Variants in PRKG1 observed in about 807,000 individuals in gnomAD.
PRKG1 encodes protein kinase cGMP-dependent 1, also known as cGMP-dependent protein kinase 1.
Under a neutral mutation model 88.1 loss-of-function variants are expected in PRKG1, and 35 were observed. That is an observed-to-expected ratio of 0.40 (90% confidence interval 0.30 to 0.53). PRKG1 has a LOEUF of 0.53. PRKG1 is among the 20% of genes least tolerant of loss of function. The pLI is 0.59. For synonymous variants in PRKG1, 303 were observed against 292.5 expected (o/e 1.04, Z -0.37); for missense variants, 540 against 839.8 (o/e 0.64, Z 4.41).
chr10:52,153,257 CTATTA>C (rs1215616239), intron 8 of PRKG1, among the ~76,000 whole-genome samples: 1 of 151,806 alleles, frequency 6.6e-6, no homozygotes, highest in African/African-American at 2.4e-5. Flanking sequence ...CTCTTTTTTC[CTATTA>C]TATTCAGCAT....
At chr10:51,739,775 C>T (rs1182858856) in intron 3 of PRKG1, among the ~76,000 whole-genome samples, 3 of 152,020 alleles carry the variant, frequency 2.0e-5, no homozygotes, top group African/African-American at 7.3e-5. Context: ...GAGTTTGAGA[C>T]CAGCCTGGAA....
At chr10:51,037,419 G>A (rs998946983) in intron 1 of PRKG1, among the ~76,000 whole-genome samples, 3 of 152,102 alleles carry the variant, frequency 2.0e-5, no homozygotes, top group Non-Finnish European at 4.4e-5. Context: ...AGCTGTGATC[G>A]TGCCACTGCA....
At chr10:52,056,445 G>A (rs1269009168) in intron 6 of PRKG1, among the ~76,000 whole-genome samples, 3 of 152,144 alleles carry the variant, frequency 2.0e-5, no homozygotes, top group African/African-American at 7.2e-5. Context: ...AAATTTTACT[G>A]CCTAAAAGTA....
In PRKG1 at chr10:51,153,299, A is replaced by T. The variant is rs1338915979; in HGVS notation, c.447A>T (p.Gly149=). Residue 149 remains glycine, a synonymous_variant, in exon 2 of 18, where the codon GGA becomes GGT. Transcript: ENST00000373980. ...AGGACAGTTGCATCATCAAAGAAGG[A>T]GACGTGGGGTCACTGGTGTATGTCA... ...YGKDSCIIKE[G]DVGSLVYVME... 1 of 1,611,720 alleles carries T rather than the reference A, an allele frequency of 6.2e-7. No individual in the cohort carries two copies. The highest frequency in any genetic ancestry group is 8.5e-7 in the Non-Finnish European group (1 of 1,178,636).
At chr10:51,911,967 GA>G (rs1842227289) in intron 5 of PRKG1, among the ~76,000 whole-genome samples, 2 of 152,196 alleles carry the variant, frequency 1.3e-5, no homozygotes. Flanking sequence ...TCAGGGCCTG[GA>G]GATTCAGGAC....
intron 10 of PRKG1, among the ~76,000 whole-genome samples, chr10:52,259,310 C>G (rs951966269): frequency 6.6e-6 from 1 of 151,910 alleles, no homozygotes; most frequent in Admixed American, 6.6e-5. Context: ...TATTTTGTAC[C>G]ACAGTGCAGT....
Position 51,270,630 on chromosome 10 carries a change from G to T in PRKG1, c.478+117300G>T, listed in dbSNP as rs903985080. ...TGCAAGCAGGATTTAAATCTTTCTG[G>T]TTTTCACTGTTGTATGCTTTTCTCT... On this transcript the variant is annotated intron_variant, in intron 2 of 17. Transcript: ENST00000373980. Among the ~76,000 whole-genome samples, 8 of 151,880 alleles carry T rather than the reference G, an allele frequency of 5.3e-5. No individual in the cohort carries two copies. The East Asian group carries it at 1.4e-3, about 26-fold the overall frequency.
At chr10:51,805,767 A>G (rs1270643725) in intron 4 of PRKG1, among the ~76,000 whole-genome samples, 3 of 152,044 alleles carry the variant, frequency 2.0e-5, no homozygotes, top group African/African-American at 2.4e-5. Flanking sequence ...TTACTGCTTC[A>G]TCTTTTATAC....
In PRKG1 at chr10:51,399,120, G is replaced by A. The variant is rs148120081; in HGVS notation, c.479-68603G>A. On this transcript the variant is annotated intron_variant, in intron 2 of 17. Transcript: ENST00000373980. ...ATCTTATTTATGTATGTATAAATAA[G>A]ATATATGTATACATATACATGTATA... Among the ~76,000 whole-genome samples, 555 of 151,680 alleles carry A rather than the reference G, an allele frequency of 3.7e-3. 3 individuals carry two copies. The highest frequency in any genetic ancestry group is 5.6e-3 in the Non-Finnish European group (380 of 67,904).
chr10:51,855,408 A>C (rs1048172252), intron 4 of PRKG1, among the ~76,000 whole-genome samples: 3 of 152,202 alleles, frequency 2.0e-5, no homozygotes, highest in Admixed American at 2.0e-4. Flanking sequence ...CATTGAGTTT[A>C]ACAATTACAT....
At chr10:51,648,150 A>T (rs1353056247) in intron 3 of PRKG1, among the ~76,000 whole-genome samples, 1 of 152,120 alleles carries the variant, frequency 6.6e-6, no homozygotes, top group Non-Finnish European at 1.5e-5. Flanking sequence ...ATAAATATTT[A>T]TGGGATGCCT....
At chr10:52,204,145 G>A (rs1839752788) in intron 9 of PRKG1, among the ~76,000 whole-genome samples, 1 of 151,482 alleles carries the variant, frequency 6.6e-6, no homozygotes, top group African/African-American at 2.4e-5. Flanking sequence ...CTGTTGCCCA[G>A]GCTGGAGTGC....
chr10:51,749,636 G>C (rs955382893), intron 3 of PRKG1, among the ~76,000 whole-genome samples: 1 of 152,148 alleles, frequency 6.6e-6, no homozygotes, highest in Non-Finnish European at 1.5e-5. Flanking sequence ...TCCTCAGCAA[G>C]TTCTTTGCTA....
chr10:51,574,592 C>T (rs368354463), intron 3 of PRKG1, among the ~76,000 whole-genome samples: 10 of 152,062 alleles, frequency 6.6e-5, no homozygotes, highest in Non-Finnish European at 1.0e-4. Context: ...AGACTCATTA[C>T]CTCTTTTCGC....
intron 6 of PRKG1, among the ~76,000 whole-genome samples, chr10:52,059,691 C>T (rs1043884007): frequency 3.3e-5 from 5 of 151,746 alleles, no homozygotes; most frequent in African/African-American, 9.7e-5. Context: ...TGTTCTGTGT[C>T]TAATTGTTCT....
chr10:52,176,747 T>C (rs1473573351), intron 9 of PRKG1, among the ~76,000 whole-genome samples: 2 of 152,148 alleles, frequency 1.3e-5, no homozygotes, highest in African/African-American at 2.4e-5. Flanking sequence ...TTGAATTTAT[T>C]CCAGGTATTT....
chr10:52,129,555 A>G (rs957372194), intron 7 of PRKG1, among the ~76,000 whole-genome samples: 8 of 152,220 alleles, frequency 5.3e-5, no homozygotes, highest in Admixed American at 6.5e-5. Flanking sequence ...CAGAATTTAC[A>G]GACACCCTCT....
chr10:52,270,197 G>A (rs999414058), intron 10 of PRKG1, among the ~76,000 whole-genome samples: 3 of 152,050 alleles, frequency 2.0e-5, no homozygotes, highest in African/African-American at 7.2e-5. Context: ...CACCACTCAA[G>A]CTAAAAATTA....
chr10:51,878,090 T>G (rs1841343681), intron 4 of PRKG1, among the ~76,000 whole-genome samples: 1 of 152,170 alleles, frequency 6.6e-6, no homozygotes, highest in East Asian at 1.9e-4. Flanking sequence ...TAAAAAATAT[T>G]TTTAACATGC....
Sources: gnomAD v4.1 joint callset for allele counts (sites outside exome capture counted in the v4.1 genomes callset) on GRCh38, gnomAD v4.1.1 for gene constraint, MANE v1.5 for transcripts, NCBI Gene and HGNC (gene_info 2026-07-23, HGNC 2026-07-21) for gene names.